Variants in FYB1 observed in about 807,000 individuals in gnomAD.
The protein encoded by FYB1 is FYN binding protein 1.
A neutral mutation model predicts 94.1 loss-of-function variants in FYB1; 41 were observed. The ratio of observed to expected loss-of-function variants is 0.44; its 90% CI spans 0.34 to 0.57. FYB1 has a LOEUF of 0.57. Among genes scored for constraint, FYB1 ranks in the 20% least tolerant of loss-of-function variants. FYB1 has a pLI of 0.02. For missense variants in FYB1, 1,050 were observed against 976.8 expected (o/e 1.07, Z -1.00); for synonymous variants, 367 against 353.2 (o/e 1.04, Z -0.44).
chr5:39,139,108 T>C, intron 5 of FYB1, 125 bp downstream of exon 5: 1 of 1,019,682 alleles, frequency 9.8e-7, no homozygotes, highest in South Asian at 1.9e-5. Context: ...AGATTAGAAA[T>C]GGAAAAATAT....
intron 1 of FYB1, among the ~76,000 whole-genome samples, chr5:39,207,197 C>A (rs1023896672): frequency 6.6e-6 from 1 of 152,112 alleles, no homozygotes; most frequent in African/African-American, 2.4e-5. Context: ...TTTGCAATTT[C>A]TTTTCCAAAG....
chr5:39,177,939 T>C (rs1344941894), intron 2 of FYB1, among the ~76,000 whole-genome samples: 3 of 152,232 alleles, frequency 2.0e-5, no homozygotes, highest in Non-Finnish European at 4.4e-5. Flanking sequence ...ACAATGACTT[T>C]AAGTTCCCTT....
intron 1 of FYB1, among the ~76,000 whole-genome samples, chr5:39,258,402 C>T (rs2111581396): frequency 6.6e-6 from 1 of 152,168 alleles, no homozygotes; most frequent in South Asian, 2.1e-4. Flanking sequence ...GAGTTTGAGA[C>T]CAGCCTGGCC....
chr5:39,157,858 T>C (rs10512710), intron 2 of FYB1, among the ~76,000 whole-genome samples: 26,324 of 152,148 alleles, frequency 0.17, 2,536 homozygotes, highest in Non-Finnish European at 0.22. Context: ...TTCTGGACAG[T>C]GCAGGATGGT....
At chr5:39,114,180 T>C (rs572348724) in intron 16 of FYB1, among the ~76,000 whole-genome samples, 38 of 152,308 alleles carry the variant, frequency 2.5e-4, no homozygotes, top group African/African-American at 9.1e-4. Context: ...AAAAGTATCT[T>C]ATTCTACATC....
chr5:39,128,891 G>C (rs1740921169), intron 10 of FYB1, among the ~76,000 whole-genome samples: 1 of 152,012 alleles, frequency 6.6e-6, no homozygotes, highest in Non-Finnish European at 1.5e-5. Context: ...TTGCTAAAAG[G>C]ACCATATTAC....
chr5:39,153,730 T>A (rs1743470446), intron 2 of FYB1, 126 bp from the exon 3 acceptor site: 2 of 766,154 alleles, frequency 2.6e-6, no homozygotes, highest in Non-Finnish European at 4.2e-6. Flanking sequence ...TATATGGAAT[T>A]TTCAATAAAG....
In FYB1 at chr5:39,236,582, G is replaced by A. The variant is rs113783334; in HGVS notation, c.-27-33595C>T. Among the ~76,000 whole-genome samples the A allele has an allele frequency of 8.9e-3, 1,354 of 152,158 alleles. 15 individuals are homozygous for A. The highest frequency in any genetic ancestry group is 0.028 in the African/African-American group (1,174 of 41,516). On this transcript the variant is annotated intron_variant, in intron 1 of 1. Coordinates refer to the FYB1 transcript ENST00000510188. Reference sequence around the variant, plus strand: ...AGGGGGTACAGATTTTACAGTCAAAGGTTCTCATCATAGTTTAAAAGATGA... The same window carrying A: ...AGGGGGTACAGATTTTACAGTCAAAAGTTCTCATCATAGTTTAAAAGATGA...
At chr5:39,253,580 A>T (rs1751817896) in intron 1 of FYB1, among the ~76,000 whole-genome samples, 1 of 152,244 alleles carries the variant, frequency 6.6e-6, no homozygotes, top group African/African-American at 2.4e-5. Context: ...TGTAAGGTAT[A>T]GGATTGTTAC....
chr5:39,219,224 C>T (rs932192641), intron 1 of FYB1, among the ~76,000 whole-genome samples: 18 of 152,254 alleles, frequency 1.2e-4, no homozygotes, highest in African/African-American at 4.1e-4. Flanking sequence ...GACACGTTCC[C>T]GGCCACATTT....
upstream of FYB1, among the ~76,000 whole-genome samples, chr5:39,220,491 GA>G (rs2150552797): frequency 6.6e-6 from 1 of 150,616 alleles, no homozygotes; most frequent in African/African-American, 2.4e-5. Flanking sequence ...AAAAAGAAAA[GA>G]GAAAAAAAGA....
chr5:39,213,988 C>T (rs887118233), intron 1 of FYB1, among the ~76,000 whole-genome samples: 7 of 151,122 alleles, frequency 4.6e-5, no homozygotes, highest in South Asian at 2.1e-4. Context: ...ATAACAACTT[C>T]GTCTGAATGA....
At chr5:39,137,223 A>G (rs1011968619) in intron 7 of FYB1, among the ~76,000 whole-genome samples, 3 of 152,178 alleles carry the variant, frequency 2.0e-5, no homozygotes, top group African/African-American at 4.8e-5. Context: ...CTTGTGTCCA[A>G]TGCCCCCCTA....
chr5:39,106,456 G>A lies in FYB1; in HGVS notation c.*987C>T, dbSNP rs1015409770. 2 of 151,912 alleles carry A rather than the reference G, an allele frequency of 1.3e-5. No homozygotes were observed. The highest frequency in any genetic ancestry group is 2.9e-5 in the Non-Finnish European group (2 of 67,968). 9.4% of individuals were successfully genotyped at this position (151,912 alleles called of 1,614,324 possible). Reference sequence around the variant, plus strand: ...TTGGGAATGAGTATGTACTGTTAGAGAAGGGCCCAATCCAAACACTAGAAT... The same window carrying A: ...TTGGGAATGAGTATGTACTGTTAGAAAAGGGCCCAATCCAAACACTAGAAT... On this transcript the variant is annotated 3_prime_UTR_variant, in exon 19 of 19. Coordinates refer to ENST00000512982, the MANE Select transcript of FYB1 (RefSeq NM_001465.6).
intron 1 of FYB1, among the ~76,000 whole-genome samples, chr5:39,215,065 GT>G (rs1749737944): frequency 6.6e-6 from 1 of 152,160 alleles, no homozygotes; most frequent in African/African-American, 2.4e-5. Context: ...TGGATATAGA[GT>G]TACAGTTGGG....
At chr5:39,220,837 T>C (rs2150553493), upstream of FYB1, among the ~76,000 whole-genome samples, 1 of 152,318 alleles carries the variant, frequency 6.6e-6, no homozygotes, top group East Asian at 1.9e-4. Context: ...GAATGTTTTG[T>C]ACAGACCTCA....
At chr5:39,269,268 C>A (rs1489231479) in intron 1 of FYB1, among the ~76,000 whole-genome samples, 2 of 152,134 alleles carry the variant, frequency 1.3e-5, no homozygotes, top group Admixed American at 1.3e-4. Context: ...CCAGGATGGT[C>A]TCGATCTCCT....
chr5:39,111,346 C>G lies in FYB1; in HGVS notation c.2402-957G>C, dbSNP rs1488053677. Among the ~76,000 whole-genome samples, 5 of 151,962 alleles carry G rather than the reference C, an allele frequency of 3.3e-5. No homozygotes were observed. The East Asian group carries it at 9.7e-4, about 29-fold the overall frequency. ...GAGTCAATCTATTGGTTTTGGTCCA[C>G]TTTAGATCTAATTTTAGTTCTGAAT... On this transcript the variant is annotated intron_variant, in intron 16 of 18. Coordinates refer to ENST00000512982, the MANE Select transcript of FYB1 (RefSeq NM_001465.6).
At chr5:39,172,446 A>T (rs200322147) in intron 2 of FYB1, among the ~76,000 whole-genome samples, 1 of 32,906 alleles carries the variant, frequency 3.0e-5, no homozygotes, top group East Asian at 5.1e-4. Context: ...ACTCCATCTC[A>T]AAAAAAAAAA....
Sources: gnomAD v4.1 joint callset for allele counts (sites outside exome capture counted in the v4.1 genomes callset) on GRCh38, gnomAD v4.1.1 for gene constraint, MANE v1.5 for transcripts, NCBI Gene and HGNC (gene_info 2026-07-23, HGNC 2026-07-21) for gene names.